Variants in PABPC4 observed in about 807,000 individuals in gnomAD.
PABPC4 encodes polyadenylate-binding protein 4.
PABPC4 carries 15 observed loss-of-function variants against 74.5 expected under a neutral mutation model. The ratio of observed to expected loss-of-function variants is 0.20; its 90% confidence interval spans 0.13 to 0.31. PABPC4 has a LOEUF of 0.31. Among genes scored for constraint, PABPC4 ranks in the 10% least tolerant of loss-of-function variants. The pLI is 1.00. For missense variants in PABPC4, 610 were observed against 853.5 expected (o/e 0.71, Z 3.55); for synonymous variants, 345 against 303.0 (o/e 1.14, Z -1.44).
chr1:39,561,174 T>C, intron 15 of PABPC4, 52 bp from the exon 16 acceptor site: 1 of 468,684 alleles, frequency 2.1e-6, no homozygotes, highest in Non-Finnish European at 4.4e-6. Flanking sequence ...TAATTTAGAT[T>C]CATTAACATA....
intron 3 of PABPC4, 184 bp downstream of exon 3, chr1:39,571,050 C>A: frequency 2.0e-6 from 3 of 1,477,358 alleles, no homozygotes; most frequent in Non-Finnish European, 1.8e-6. Context: ...AGGAAGCCCA[C>A]CTTGGCGAGT....
At chr1:39,565,759 C>CA (rs1316136328) in intron 7 of PABPC4, among the ~76,000 whole-genome samples, 1 of 152,052 alleles carries the variant, frequency 6.6e-6, no homozygotes, top group Non-Finnish European at 1.5e-5. Flanking sequence ...ACCCGGGAGA[C>CA]AGAGATTGCA....
intron 1 of PABPC4, 93 bp from the exon 2 acceptor site, chr1:39,572,679 G>A (rs1645959456): frequency 1.1e-6 from 1 of 924,170 alleles, no homozygotes. Flanking sequence ...ACTTTTCAAG[G>A]TAATCACTCT....
intron 6 of PABPC4, chr1:39,568,458 C>T (rs1326258335): frequency 4.8e-6 from 1 of 210,226 alleles, no homozygotes; most frequent in Non-Finnish European, 9.3e-6. Flanking sequence ...CCTCTCCCCA[C>T]AGCTGTTCTG....
chr1:39,575,529 G>A (rs578015664), intron 1 of PABPC4, among the ~76,000 whole-genome samples: 2 of 152,286 alleles, frequency 1.3e-5, no homozygotes, highest in East Asian at 3.9e-4. Context: ...CCCACTACCA[G>A]CAACACTAAT....
chr1:39,568,691 GGAA>G lies in PABPC4; in HGVS notation c.876+108_876+110del, dbSNP rs1323281581. 1.2e-4 allele frequency: 113 copies of G among 962,452 alleles called. 3 individuals are homozygous for G. In the East Asian group the frequency reaches 2.1e-3, roughly 18 times the overall value. 59.6% of individuals were successfully genotyped at this position (962,452 alleles called of 1,614,324 possible). A position where few individuals can be genotyped will look rare whatever the true frequency, so the allele number is the denominator to read the frequency against. ...AAACCTCATCTTTTTAGGTAAAATG[GGAA>G]GAAGAACACACTCCAAGTCCTCAAA... On this transcript the variant is annotated intron_variant, in intron 6 of 15. Transcript: ENST00000372858.
At chr1:39,572,612 A>C (rs1290718281) in intron 1 of PABPC4, 26 bp from the exon 2 acceptor site, 2 of 1,591,536 alleles carry the variant, frequency 1.3e-6, no homozygotes, top group Non-Finnish European at 1.7e-6. Flanking sequence ...ACATTTCAAT[A>C]AGGAGAGAAA....
At position 39,567,814 on chromosome 1, in the gene PABPC4, G is replaced by A; in HGVS notation, c.909C>T (p.Asp303=). 6.3e-7 allele frequency: 1 copy of A among 1,597,584 alleles called. No individual in the cohort carries two copies. Among genetic ancestry groups the A allele is most frequent in the Middle Eastern group, 1.7e-4 (1 of 6,036 alleles). Reference sequence around the variant, plus strand: ...TCCTTAATTTCTCATCATCAATAGTGTCATCCAAGTTCTTAATGTAGAGAT... The same window carrying A: ...TCCTTAATTTCTCATCATCAATAGTATCATCCAAGTTCTTAATGTAGAGAT... ...GVNLYIKNLD[D]TIDDEKLRKE... is the part of the protein sequence containing the mutation. The change falls in exon 7 of 16, where the codon GAC becomes GAT. Residue 303 remains aspartate (D), a synonymous_variant. Coordinates refer to ENST00000372858, the MANE Select transcript of PABPC4 (RefSeq NM_001135653.2).
At chr1:39,572,038 C>T (rs1463321127) in intron 2 of PABPC4, among the ~76,000 whole-genome samples, 2 of 152,184 alleles carry the variant, frequency 1.3e-5, no homozygotes, top group Non-Finnish European at 2.9e-5. Flanking sequence ...AGAACAGATA[C>T]GTAGAAGGAA....
intron 5 of PABPC4, among the ~76,000 whole-genome samples, 197 bp from the exon 6 acceptor site, chr1:39,569,136 A>C (rs1190759687): frequency 6.6e-6 from 1 of 152,242 alleles, no homozygotes; most frequent in African/African-American, 2.4e-5. Flanking sequence ...TGATCCAGAT[A>C]ATATAGAAAT....
intron 1 of PABPC4, among the ~76,000 whole-genome samples, chr1:39,574,406 T>G (rs1189085086): frequency 6.6e-6 from 1 of 152,256 alleles, no homozygotes; most frequent in African/African-American, 2.4e-5. Flanking sequence ...CTGGCTGCAC[T>G]TATTTATAGC....
chr1:39,566,990 G>A (rs940838795), intron 7 of PABPC4, among the ~76,000 whole-genome samples: 3 of 136,618 alleles, frequency 2.2e-5, no homozygotes, highest in South Asian at 3.2e-4. Context: ...CAGCCCACGT[G>A]GCTTCCCTTC....
Position 39,575,940 on chromosome 1 carries a change from C to T in PABPC4, c.12G>A (p.Ala4=), listed in dbSNP as rs1646019473. The T allele has an allele frequency of 2.5e-6, 4 of 1,588,760 alleles. No individual in the cohort carries two copies. Among genetic ancestry groups the T allele is most frequent in the African/African-American group, 1.4e-5 (1 of 73,538 alleles). MNA[A]ASSYPMASLY... ...GGGAGGCCATGGGGTAGCTGCTGGC[C>T]GCAGCGTTCATCTCCCCGCCCCCCA... is the stretch of plus-strand genomic sequence containing the variant. Residue 4 remains alanine, a synonymous_variant, in exon 1 of 16, where the codon GCG becomes GCA. Transcript: ENST00000372858.
rs1284677144 is a variant in PABPC4, at chr1:39,571,567, T to C, written c.388-218A>G. 7 of 601,778 alleles carry C rather than the reference T, an allele frequency of 1.2e-5. No homozygotes were observed. In the South Asian group the frequency reaches 1.3e-4, roughly 11 times the overall value. The allele number at this position is 601,778 out of a possible 1,614,324, so 37.3% of individuals were successfully genotyped here. ...TACTAAGATGCTTCTATTCCAAATG[T>C]TTTATTTTTATCAAAAACAAACAAA... On this transcript the variant is annotated intron_variant, in intron 2 of 15. Coordinates refer to ENST00000372858, the MANE Select transcript of PABPC4 (RefSeq NM_001135653.2).
chr1:39,573,720 G>T (rs1265582596), intron 1 of PABPC4, among the ~76,000 whole-genome samples: 1 of 152,238 alleles, frequency 6.6e-6, no homozygotes, highest in Non-Finnish European at 1.5e-5. Flanking sequence ...TCAGGAGACT[G>T]AGGCAGGAAA....
rs1401563222 is a variant in PABPC4, at chr1:39,576,451, C to G, written c.-500G>C. Reference sequence around the variant, plus strand: ...GACTCGGCGAGCCCCGGGCGGGCGGCGAAGGGCAGCACGGACACGTGGTGC... The same window carrying G: ...GACTCGGCGAGCCCCGGGCGGGCGGGGAAGGGCAGCACGGACACGTGGTGC... On this transcript the variant is annotated 5_prime_UTR_variant, in exon 1 of 16. Transcript: ENST00000372858. 6.6e-6 allele frequency: 1 copy of G among 150,874 alleles called. No individual in the cohort carries two copies. The highest frequency in any genetic ancestry group is 1.5e-5 in the Non-Finnish European group (1 of 67,546). 9.3% of individuals were successfully genotyped at this position (150,874 alleles called of 1,614,324 possible). A position where few individuals can be genotyped will look rare whatever the true frequency, so the allele number is the denominator to read the frequency against.
chr1:39,575,775 G>A lies in PABPC4; in HGVS notation c.177C>T (p.Phe59=), dbSNP rs1330444880. Residue 59 remains phenylalanine, a synonymous_variant, in exon 1 of 16, where the codon TTC becomes TTT. Coordinates refer to ENST00000372858, the MANE Select transcript of PABPC4 (RefSeq NM_001135653.2). ...TCTACTCACCGTCGGCCGGCTGCTG[G>A]AAGTTGACGTAGGCATAGCCCAGGG... is the stretch of plus-strand genomic sequence containing the variant. ...RRSLGYAYVN[F]QQPADAERAL... is the part of the protein sequence containing the mutation. 5 of 1,597,656 alleles carry A rather than the reference G, an allele frequency of 3.1e-6. No homozygotes were observed. Among genetic ancestry groups the A allele is most frequent in the Non-Finnish European group, 4.3e-6 (5 of 1,171,028 alleles).
In PABPC4 at chr1:39,575,767, G is replaced by A; in HGVS notation, c.185C>T (p.Pro62Leu). The A allele has an allele frequency of 1.9e-6, 3 of 1,594,266 alleles. No homozygotes were observed. The highest frequency in any genetic ancestry group is 2.6e-6 in the Non-Finnish European group (3 of 1,168,966). ...LGYAYVNFQQ[P>L]ADAERALDTM... ...GCACAGCTTCTACTCACCGTCGGCC[G>A]GCTGCTGGAAGTTGACGTAGGCATA... The change falls in exon 1 of 16, where the codon CCG becomes CTG. Residue 62 changes from proline to leucine, a missense_variant. Physicochemically the swap from Pro to Leu is moderately conservative, Grantham distance 98 (BLOSUM62 -3). Around this residue, in one of 4 missense-constraint regions of PABPC4, gnomAD observed 304 missense variants for 478.9 expected, o/e 0.63. Transcript: ENST00000372858.
At chr1:39,565,051 C>A in intron 8 of PABPC4, 55 bp downstream of exon 8, 2 of 1,588,712 alleles carry the variant, frequency 1.3e-6, no homozygotes, top group Non-Finnish European at 1.7e-6. Flanking sequence ...CCAACCACTG[C>A]AGAATACTGC....
Sources: gnomAD v4.1 joint callset for allele counts (sites outside exome capture counted in the v4.1 genomes callset) on GRCh38, gnomAD v4.1.1 for gene constraint, gnomAD v4.1.1 regional missense constraint, MANE v1.5 for transcripts, NCBI Gene and HGNC (gene_info 2026-07-23, HGNC 2026-07-21) for gene names.